TAT: variants seen among roughly 807,000 people sequenced by gnomAD.
TAT encodes tyrosine aminotransferase.
Under a neutral mutation model 53.6 loss-of-function variants are expected in TAT, and 35 were observed. The ratio of observed to expected loss-of-function variants is 0.65; its 90% CI spans 0.50 to 0.87. TAT has a LOEUF of 0.87. TAT is among the 40% of genes least tolerant of loss of function. The probability of loss-of-function intolerance (pLI) is 0.00; values close to 1 mark genes in which losing one functional copy is unlikely to be tolerated. For missense variants in TAT, 525 were observed against 571.8 expected (o/e 0.92, Z 0.83); for synonymous variants, 197 against 206.5 (o/e 0.95, Z 0.39).
chr16:71,576,560 A>G, intron 1 of TAT, 133 bp from the exon 2 acceptor site: 1 of 794,816 alleles, frequency 1.3e-6, no homozygotes, highest in Non-Finnish European at 2.1e-6. Context: ...TTTTTTTTCT[A>G]CTTTCTGTTG....
intron 9 of TAT, 119 bp from the exon 10 acceptor site, chr16:71,570,056 G>C: frequency 7.7e-7 from 1 of 1,298,370 alleles, no homozygotes; most frequent in Non-Finnish European, 1.1e-6. Context: ...CTGGCATAAG[G>C]AGTGAAAAAG....
chr16:71,571,172 TG>T (rs1336427834), intron 7 of TAT, among the ~76,000 whole-genome samples: 4 of 152,168 alleles, frequency 2.6e-5, no homozygotes, highest in Non-Finnish European at 5.9e-5. Context: ...CTGAAATTCC[TG>T]GGGCCAGGTA....
At chr16:71,575,419 G>C (rs1324053069) in intron 3 of TAT, 1 of 159,952 alleles carries the variant, frequency 6.3e-6, no homozygotes, top group Non-Finnish European at 1.4e-5. Flanking sequence ...GTTGTTCTTG[G>C]GTGTTTGTTT....
In TAT at chr16:71,569,941, CA is replaced by C. The variant is rs2145230340; in HGVS notation, c.1042-5del. ...CATAACAGAGATCAGCATTGGACTA[CA>C]AGAAGAGGCAAGGAGAAATCAAGGA... On this transcript the variant is annotated splice_region_variant and splice_polypyrimidine_tract_variant and intron_variant, in intron 9 of 11. Transcript: ENST00000355962. 3.1e-6 allele frequency: 5 copies of C among 1,611,902 alleles called. No individual in the cohort carries two copies. Among genetic ancestry groups the C allele is most frequent in the Non-Finnish European group, 2.5e-6 (3 of 1,179,058 alleles).
intron 4 of TAT, among the ~76,000 whole-genome samples, chr16:71,573,199 T>C (rs2044214805): frequency 6.6e-6 from 1 of 152,220 alleles, no homozygotes; most frequent in Non-Finnish European, 1.5e-5. Context: ...AGAAAGATCC[T>C]ATTGGTAAAA....
rs2044181182 is a variant in TAT, at chr16:71,568,770, C to T, written c.1165G>A (p.Asp389Asn). 15 of 1,614,006 alleles carry T rather than the reference C, an allele frequency of 9.3e-6. No homozygotes were observed. Among genetic ancestry groups the T allele is most frequent in the Non-Finnish European group, 1.0e-5 (12 of 1,180,000 alleles). Reference sequence around the variant, plus strand: ...ACTAACCGCTCCGTGAACTCCACATCGTTCTCAAATTCTGGGAAATGTTCC... The same window carrying T: ...ACTAACCGCTCCGTGAACTCCACATTGTTCTCAAATTCTGGGAAATGTTCC... ...EMEHFPEFENDVEFTERLVAE... is the reference protein window; with the variant it reads ...EMEHFPEFENNVEFTERLVAE... Residue 389 changes from aspartate to asparagine, a missense_variant, in exon 11 of 12, where the codon GAT becomes AAT. Asp to Asn is a conservative substitution (Grantham distance 23). Coordinates refer to ENST00000355962, the MANE Select transcript of TAT (RefSeq NM_000353.3).
Position 71,568,127 on chromosome 16 carries a change from G to A in TAT, c.*17C>T, listed in dbSNP as rs771597478. On this transcript the variant is annotated 3_prime_UTR_variant, in exon 12 of 12. Coordinates refer to ENST00000355962, the MANE Select transcript of TAT (RefSeq NM_000353.3). Reference sequence around the variant, plus strand: ...CTTCCCTAGATGGGACACATCCTCAGGAGAATGGATGCAGGCCTATTTATC... The same window carrying A: ...CTTCCCTAGATGGGACACATCCTCAAGAGAATGGATGCAGGCCTATTTATC... 1 of 1,614,152 alleles carries A rather than the reference G, an allele frequency of 6.2e-7. No homozygotes were observed. The highest frequency in any genetic ancestry group is 1.7e-5 in the Admixed American group (1 of 60,028).
chr16:71,576,057 C>A (rs1401656962), intron 2 of TAT, 31 bp from the exon 3 acceptor site: 6 of 1,612,686 alleles, frequency 3.7e-6, no homozygotes, highest in Non-Finnish European at 5.1e-6. Context: ...CAAAAGGAGC[C>A]AAGAGGTTAT....
rs1052306851 is a variant in TAT at position 71,569,730 on chromosome 16, C to T, written c.1125+124G>A. The stretch of plus-strand genomic sequence containing the variant: ...TCAGAATAAGACAACTCCTAAACTG[C>T]TTGGCTTAGGAGGCCAGCTGGTTGT... On this transcript the variant is annotated intron_variant, in intron 10 of 11. Coordinates refer to ENST00000355962, the MANE Select transcript of TAT (RefSeq NM_000353.3). 20 of 878,770 alleles carry T rather than the reference C, an allele frequency of 2.3e-5. 1 individual carries two copies. The highest frequency in any genetic ancestry group is 7.5e-6 in the Non-Finnish European group (4 of 535,898). 54.4% of individuals were successfully genotyped at this position (878,770 alleles called of 1,614,324 possible). A position where few individuals can be genotyped will look rare whatever the true frequency, so the allele number is the denominator to read the frequency against.
At chr16:71,570,017 T>C (rs1320244728) in intron 9 of TAT, 80 bp from the exon 10 acceptor site, 9 of 1,406,668 alleles carry the variant, frequency 6.4e-6, no homozygotes, top group Admixed American at 5.9e-5. Context: ...AGCCCCCTCA[T>C]TGAAGAGTGG....
rs147905611 is a variant in TAT at position 71,574,611 on chromosome 16, T to C, written c.341-1005A>G. Among the ~76,000 whole-genome samples, 702 of 147,894 alleles carry C rather than the reference T, an allele frequency of 4.7e-3. 8 individuals are homozygous for C. The highest frequency in any genetic ancestry group is 0.016 in the African/African-American group (636 of 39,792). On this transcript the variant is annotated intron_variant, in intron 3 of 11. Transcript: ENST00000355962. ...AAAAAAAAAAAAAAAAAAAAAGAAGTTGTAATCAGTGCATTCAATTCATGT... is the reference window on the plus strand; with the variant it reads ...AAAAAAAAAAAAAAAAAAAAAGAAGCTGTAATCAGTGCATTCAATTCATGT...
rs59287517 is a variant in TAT, at chr16:71,565,701, G to GCA, written c.*2441_*2442dup. 35,856 of 148,850 alleles carry GCA rather than the reference G, an allele frequency of 0.24. 4,568 individuals are homozygous for GCA. Among genetic ancestry groups the GCA allele is most frequent in the Middle Eastern group, 0.35 (102 of 288 alleles). 9.2% of individuals were successfully genotyped at this position (148,850 alleles called of 1,614,324 possible). On this transcript the variant is annotated 3_prime_UTR_variant, in exon 12 of 12. Transcript: ENST00000355962. ...TACTTTATTTGAAAAAATGAAAAGT[G>GCA]CACACACACACACACACACACACAC...
Position 71,575,714 on chromosome 16 carries a change from A to G in TAT, c.340+208T>C, listed in dbSNP as rs978623523. 6 of 625,246 alleles carry G rather than the reference A, an allele frequency of 9.6e-6. No homozygotes were observed. The African/African-American group carries it at 1.1e-4, about 11-fold the overall frequency. 38.7% of individuals were successfully genotyped at this position (625,246 alleles called of 1,614,324 possible). A position where few individuals can be genotyped will look rare whatever the true frequency, so the allele number is the denominator to read the frequency against. On this transcript the variant is annotated intron_variant, in intron 3 of 11. Coordinates refer to ENST00000355962, the MANE Select transcript of TAT (RefSeq NM_000353.3). ...CTAGAGGGGAAGTGCCCATATGTCAAAGAAAGCCAGGAAAGAAGTTGGACC... is the reference window on the plus strand; with the variant it reads ...CTAGAGGGGAAGTGCCCATATGTCAGAGAAAGCCAGGAAAGAAGTTGGACC...
chr16:71,575,804 G>T, intron 3 of TAT, 118 bp downstream of exon 3: 4 of 1,095,200 alleles, frequency 3.7e-6, no homozygotes, highest in Admixed American at 1.7e-5. Context: ...TGTAATCTTA[G>T]CCTCTCCTTA....
Position 71,572,528 on chromosome 16 carries a change from A to G in TAT, c.567+2T>C. The G allele has an allele frequency of 6.2e-7, 1 of 1,614,232 alleles. No homozygotes were observed. ...TGAGTCTAAGATTAAAAAGTCATTT[A>G]CCAACAAATTGTAGAGTTTGACCTC... On this transcript the variant is annotated splice_donor_variant, in intron 5 of 11. Coordinates refer to ENST00000355962, the MANE Select transcript of TAT (RefSeq NM_000353.3). LOFTEE classifies it high-confidence loss of function.
At chr16:71,574,485 A>T (rs2044223714) in intron 3 of TAT, among the ~76,000 whole-genome samples, 1 of 151,432 alleles carries the variant, frequency 6.6e-6, no homozygotes, top group African/African-American at 2.4e-5. Context: ...GGAGGCTGAG[A>T]CAGGAGAATC....
Position 71,568,014 on chromosome 16 carries a change from A to G in TAT, c.*130T>C. ...GTTGTACTTGGGGAAAAGCAGGAAC[A>G]ATCTTGAACCCTTGACATGGTGCAT... is the stretch of plus-strand genomic sequence containing the variant. On this transcript the variant is annotated 3_prime_UTR_variant, in exon 12 of 12. Transcript: ENST00000355962. 1 of 1,102,698 alleles carries G rather than the reference A, an allele frequency of 9.1e-7. No individual in the cohort carries two copies. The highest frequency in any genetic ancestry group is 1.4e-6 in the Non-Finnish European group (1 of 732,618). 68.3% of individuals were successfully genotyped at this position (1,102,698 alleles called of 1,614,324 possible). A position where few individuals can be genotyped will look rare whatever the true frequency, so the allele number is the denominator to read the frequency against.
At chr16:71,570,488 T>G in intron 8 of TAT, 91 bp from the exon 9 acceptor site, 1 of 1,608,926 alleles carries the variant, frequency 6.2e-7, no homozygotes, top group Non-Finnish European at 8.5e-7. Flanking sequence ...ATCAGGTTTT[T>G]AATCTTGGAA....
intron 10 of TAT, among the ~76,000 whole-genome samples, chr16:71,569,323 C>T (rs912426704): frequency 6.6e-6 from 1 of 151,718 alleles, no homozygotes; most frequent in African/African-American, 2.4e-5. Context: ...ATTCTCTGTA[C>T]TGAAAAATTA....
Sources: gnomAD v4.1 joint callset for allele counts (sites outside exome capture counted in the v4.1 genomes callset) on GRCh38, gnomAD v4.1.1 for gene constraint, MANE v1.5 for transcripts, NCBI Gene and HGNC (gene_info 2026-07-23, HGNC 2026-07-21) for gene names.